Variants in TNXB observed in about 807,000 individuals in gnomAD.
The protein encoded by TNXB is tenascin-X.
A neutral mutation model predicts 340.5 loss-of-function variants in TNXB; 183 were observed. That is an observed-to-expected ratio of 0.54 (90% CI 0.48 to 0.61). The LOEUF is 0.61. Ranked by LOEUF, TNXB falls within the 20% of genes least tolerant of loss-of-function variation. The probability of loss-of-function intolerance (pLI) is 0.00; values close to 1 mark genes in which losing one functional copy is unlikely to be tolerated. For synonymous variants in TNXB, 2,121 were observed against 2,314.5 expected (o/e 0.92, Z 2.40); for missense variants, 4,613 against 5,446.4 (o/e 0.85, Z 4.82).
At chr6:32,106,964 G>A (rs1378399170) in intron 1 of TNXB, among the ~76,000 whole-genome samples, 1 of 152,242 alleles carries the variant, frequency 6.6e-6, no homozygotes, top group Non-Finnish European at 1.5e-5. Context: ...CATCCTTGTA[G>A]GTACACATAT....
intron 4 of TNXB, chr6:32,093,165 C>G: frequency 2.1e-6 from 1 of 486,688 alleles, no homozygotes; most frequent in Non-Finnish European, 3.7e-6. Context: ...GAAGTCCCAC[C>G]CTTTCAAGAT....
In TNXB at chr6:32,088,830, G is replaced by A. The variant is rs778471629; in HGVS notation, c.2734C>T (p.Arg912Trp). The change falls in exon 6 of 44, where the codon CGG becomes TGG. Residue 912 changes from arginine (R) to tryptophan (W), a missense_variant. Coordinates refer to ENST00000644971, the MANE Select transcript of TNXB (RefSeq NM_001365276.2). The stretch of plus-strand genomic sequence containing the variant: ...GCTGGGTAGCTGACTGCCCGGCCCC[G>A]CTCCGCTGTGACAGTCACCACATAT... Reference protein sequence around the residue: ...VEYVVTVTAERGRAVSYPASV... With the variant: ...VEYVVTVTAEWGRAVSYPASV... 23 of 1,580,904 alleles carry A rather than the reference G, an allele frequency of 1.5e-5. No individual in the cohort carries two copies. The highest frequency in any genetic ancestry group is 1.2e-4 in the East Asian group (5 of 43,420).
At chr6:32,098,320 A>C in intron 1 of TNXB, 114 bp from the exon 2 acceptor site, 2 of 862,102 alleles carry the variant, frequency 2.3e-6, no homozygotes, top group Non-Finnish European at 3.3e-6. Context: ...TACCCAACTC[A>C]CATGCATGTA....
Position 32,052,641 on chromosome 6 carries a change from C to T in TNXB, c.9115+29G>A, listed in dbSNP as rs924432597. On this transcript the variant is annotated intron_variant, in intron 26 of 43. Coordinates refer to ENST00000644971, the MANE Select transcript of TNXB (RefSeq NM_001365276.2). This position sits in a 1 kb window ranked among gnomAD's most constrained non-coding sequence, Gnocchi z 4.7. ...AGCAGTGTCTTCCAGGGCCATCTTC[C>T]CCACCTCGCCTCACTCACACTTACT... 1 of 1,602,790 alleles carries T rather than the reference C, an allele frequency of 6.2e-7. No individual in the cohort carries two copies. Among genetic ancestry groups the T allele is most frequent in the Non-Finnish European group, 8.5e-7 (1 of 1,171,316 alleles).
chr6:32,076,327 C>T (rs1021963633), intron 11 of TNXB, among the ~76,000 whole-genome samples: 3 of 152,174 alleles, frequency 2.0e-5, no homozygotes, highest in Non-Finnish European at 2.9e-5. Context: ...ATGAGCTCCA[C>T]GCACCTCTCC....
At chr6:32,103,794 G>T (rs1337243648) in intron 1 of TNXB, among the ~76,000 whole-genome samples, 1 of 145,338 alleles carries the variant, frequency 6.9e-6, no homozygotes, top group South Asian at 2.2e-4. Context: ...GCAGTGGCAC[G>T]ATCTTGGCTC....
chr6:32,103,087 T>C (rs561725540), intron 1 of TNXB, among the ~76,000 whole-genome samples: 2 of 152,190 alleles, frequency 1.3e-5, no homozygotes, highest in South Asian at 2.1e-4. Context: ...CAAAAACTCA[T>C]TGAGCTGCAC....
chr6:32,059,803 C>T (rs1273042361), intron 21 of TNXB, among the ~76,000 whole-genome samples: 1 of 151,934 alleles, frequency 6.6e-6, no homozygotes, highest in Admixed American at 6.5e-5. Flanking sequence ...GAGCTCGCAC[C>T]TCACTTGGTG....
rs1776846765 is a variant in TNXB, at chr6:32,046,078, C to T, written c.10606+97G>A. ...GGGGACAGGCCAGGGCGCCCCACTCCGGCCTGCCCACTCCTGCAGTCATCT... is the reference window on the plus strand; with the variant it reads ...GGGGACAGGCCAGGGCGCCCCACTCTGGCCTGCCCACTCCTGCAGTCATCT... On this transcript the variant is annotated intron_variant, in intron 31 of 43. Coordinates refer to ENST00000644971, the MANE Select transcript of TNXB (RefSeq NM_001365276.2). The surrounding 1 kb of genome is among the most constrained non-coding windows in gnomAD (Gnocchi z 6.9). The T allele has an allele frequency of 4.7e-6, 7 of 1,497,866 alleles. No homozygotes were observed. The highest frequency in any genetic ancestry group is 2.7e-5 in the South Asian group (2 of 73,890). 92.8% of individuals were successfully genotyped at this position (1,497,866 alleles called of 1,614,324 possible). A position where few individuals can be genotyped will look rare whatever the true frequency, so the allele number is the denominator to read the frequency against.
At position 32,049,605 on chromosome 6, in the gene TNXB, G is replaced by GGAGA. The variant is rs759606438; in HGVS notation, c.9440-22_9440-19dup. 2.1e-5 allele frequency: 34 copies of GGAGA among 1,605,076 alleles called. No individual in the cohort carries two copies. The East Asian group carries it at 7.4e-4, about 35-fold the overall frequency. On this transcript the variant is annotated intron_variant, in intron 27 of 43. Transcript: ENST00000644971. The surrounding 1 kb of genome is among the most constrained non-coding windows in gnomAD (Gnocchi z 4.5). ...CTCTTCCTCTGCAGTGGAGAAGGAG[G>GGAGA]GAGAGAGAGTGAGGGGGATGTCCTT...
At position 32,061,058 on chromosome 6, in the gene TNXB, G is replaced by A. The variant is rs1006357272; in HGVS notation, c.7492+339C>T. ...TAAATTATTTAGTCATCCCAACGTG[G>A]TTTGACGTTGGATTGTTCCTCTTGT... On this transcript the variant is annotated intron_variant, in intron 21 of 43. Coordinates refer to ENST00000644971, the MANE Select transcript of TNXB (RefSeq NM_001365276.2). This position sits in a 1 kb window ranked among gnomAD's most constrained non-coding sequence, Gnocchi z 4.4. Among the ~76,000 whole-genome samples, 2 of 151,936 alleles carry A rather than the reference G, an allele frequency of 1.3e-5. No homozygotes were observed. Among genetic ancestry groups the A allele is most frequent in the African/African-American group, 2.4e-5 (1 of 41,196 alleles).
Position 32,070,375 on chromosome 6 carries a change from A to G in TNXB, c.5030T>C (p.Leu1677Pro), listed in dbSNP as rs1778698837. The G allele has an allele frequency of 1.2e-5, 20 of 1,601,708 alleles. No individual in the cohort carries two copies. Among genetic ancestry groups the G allele is most frequent in the Non-Finnish European group, 1.7e-5 (20 of 1,173,480 alleles). Reference sequence around the variant, plus strand: ...GGGGTCTGTCACCCACAGCTCCCCAAGGCGGGGTGGGGCCCCTGGGCTGGC... The same window carrying G: ...GGGGTCTGTCACCCACAGCTCCCCAGGGCGGGGTGGGGCCCCTGGGCTGGC... Reference protein sequence around the residue: ...GDASPGAPPRLGELWVTDPTP... With the variant: ...GDASPGAPPRPGELWVTDPTP... The change falls in exon 14 of 44, where the codon CTT becomes CCT. Residue 1677 changes from leucine to proline, a missense_variant. Around this residue, in one of 7 missense-constraint regions of TNXB, gnomAD observed 4,327 missense variants for 4,859.4 expected, o/e 0.89. Coordinates refer to ENST00000644971, the MANE Select transcript of TNXB (RefSeq NM_001365276.2). This position sits in a 1 kb window ranked among gnomAD's most constrained non-coding sequence, Gnocchi z 6.0.
At chr6:32,103,491 CCA>C (rs28993466) in intron 1 of TNXB, among the ~76,000 whole-genome samples, 6,483 of 151,654 alleles carry the variant, frequency 0.043, 157 homozygotes, top group South Asian at 0.058. Flanking sequence ...CCTCCAGCCA[CCA>C]CATATTTCTC....
At chr6:32,066,913 T>C (rs1027258914) in intron 18 of TNXB, among the ~76,000 whole-genome samples, 1 of 151,734 alleles carries the variant, frequency 6.6e-6, no homozygotes, top group East Asian at 1.9e-4. Context: ...CTACAAAAAA[T>C]ACAAAAAATT....
intron 23 of TNXB, 86 bp downstream of exon 23, chr6:32,056,499 CT>C (rs1777651867): frequency 6.5e-7 from 1 of 1,548,228 alleles, no homozygotes. Context: ...GACCGGACCC[CT>C]GGCCCATTCC....
rs1043997789 is a variant in TNXB, at chr6:32,084,614, A to C, written c.3244T>G (p.Trp1082Gly). The C allele has an allele frequency of 6.2e-7, 1 of 1,605,234 alleles. No homozygotes were observed. The highest frequency in any genetic ancestry group is 1.3e-5 in the African/African-American group (1 of 74,878). ...DRTSDSLLLR[W>G]TVPEGEFDSF... ...TCAAACTCGCCCTCGGGGACCGTCC[A>C]GCGCAGGAGCAAGGAGTCGGAGGTC... is the stretch of plus-strand genomic sequence containing the variant. Residue 1082 changes from tryptophan (W) to glycine (G), a missense_variant, in exon 8 of 44, where the codon TGG (tryptophan) becomes GGG (glycine). Trp to Gly is a radical substitution (Grantham distance 184). This residue lies in a region of TNXB where 4,327 missense variants were observed against 4,859.4 expected (regional missense o/e 0.89). Transcript: ENST00000644971. This position sits in a 1 kb window ranked among gnomAD's most constrained non-coding sequence, Gnocchi z 5.5.
Position 32,086,047 on chromosome 6 carries a change from C to A in TNXB, c.2851G>T (p.Ala951Ser), listed in dbSNP as rs1779753771. 3 of 1,600,576 alleles carry A rather than the reference C, an allele frequency of 1.9e-6. No homozygotes were observed. Among genetic ancestry groups the A allele is most frequent in the Middle Eastern group, 1.7e-4 (1 of 5,738 alleles). The change falls in exon 7 of 44, where the codon GCC becomes TCC. Residue 951 changes from alanine to serine, a missense_variant. Ala to Ser is a moderately conservative substitution (Grantham distance 99, BLOSUM62 1). Coordinates refer to ENST00000644971, the MANE Select transcript of TNXB (RefSeq NM_001365276.2). ...PPSGPSTTQG[A>S]QAPLLQQRPQ... ...CGCTGCTGCAGGAGAGGAGCCTGGG[C>A]CCCTTGCGTCGTCGAGGGGCCTGAG...
chr6:32,053,632 C>A lies in TNXB; in HGVS notation c.8547G>T (p.Glu2849Asp). The A allele has an allele frequency of 6.2e-7, 1 of 1,613,492 alleles. No homozygotes were observed. Among genetic ancestry groups the A allele is most frequent in the Non-Finnish European group, 8.5e-7 (1 of 1,179,822 alleles). ...PEPPNKPRLG[E>D]LTVTDATPDS... is the part of the protein sequence containing the mutation. ...CAGGGGTGGCATCTGTCACGGTCAG[C>A]TCCCCGAGGCGAGGCTTGTTGGGGG... is the stretch of plus-strand genomic sequence containing the variant. Residue 2849 changes from glutamate to aspartate, a missense_variant, in exon 25 of 44, where the codon GAG becomes GAT. Transcript: ENST00000644971.
rs1333022199 is a variant in TNXB at position 32,072,776 on chromosome 6, C to A, written c.4682-478G>T. Among the ~76,000 whole-genome samples the A allele has an allele frequency of 6.6e-6, 1 of 152,166 alleles. No homozygotes were observed. Among genetic ancestry groups the A allele is most frequent in the African/African-American group, 2.4e-5 (1 of 41,442 alleles). On this transcript the variant is annotated intron_variant, in intron 12 of 43. Coordinates refer to ENST00000644971, the MANE Select transcript of TNXB (RefSeq NM_001365276.2). This position sits in a 1 kb window ranked among gnomAD's most constrained non-coding sequence, Gnocchi z 4.4. ...GCCAGCCTGGCCAACATGGCGAAAC[C>A]CTGTTTCTACTAAAAATACAAAAAA...
Sources: gnomAD v4.1 joint callset for allele counts (sites outside exome capture counted in the v4.1 genomes callset) on GRCh38, gnomAD v4.1.1 for gene constraint, gnomAD v4.1.1 regional missense constraint, Gnocchi (gnomAD v3.1) non-coding constraint, MANE v1.5 for transcripts, NCBI Gene and HGNC (gene_info 2026-07-23, HGNC 2026-07-21) for gene names.